SORCS2: variants seen among roughly 807,000 people sequenced by gnomAD.
SORCS2 encodes VPS10 domain-containing receptor SorCS2.
Under a neutral mutation model 141.6 loss-of-function variants are expected in SORCS2, and 100 were observed. That is an observed-to-expected ratio of 0.71 (90% CI 0.60 to 0.83). SORCS2 has a LOEUF of 0.83. Among genes scored for constraint, SORCS2 ranks in the 40% least tolerant of loss-of-function variants. The pLI, the probability that SORCS2 is intolerant of heterozygous loss-of-function variation, is 0.00. For missense variants in SORCS2, 1,646 were observed against 1,560.2 expected (o/e 1.05, Z -0.93); for synonymous variants, 789 against 676.9 (o/e 1.17, Z -2.57).
chr4:7,491,546 G>T (rs377103020), intron 2 of SORCS2, among the ~76,000 whole-genome samples: 56 of 152,356 alleles, frequency 3.7e-4, no homozygotes, highest in African/African-American at 1.3e-3. Flanking sequence ...CATGCAGAGG[G>T]AACACCTTGG....
intron 1 of SORCS2, among the ~76,000 whole-genome samples, chr4:7,337,649 C>G (rs981755405): frequency 2.0e-5 from 3 of 150,672 alleles, no homozygotes; most frequent in African/African-American, 2.4e-5. Context: ...GGTGGGAAGC[C>G]AGGGAGAGCT....
chr4:7,434,386 A>G (rs752263598), intron 2 of SORCS2: 1 of 1,607,460 alleles, frequency 6.2e-7, no homozygotes, highest in South Asian at 1.1e-5. Flanking sequence ...ATTGGCCATG[A>G]ACGGAGCCAC....
intron 4 of SORCS2, among the ~76,000 whole-genome samples, chr4:7,649,362 G>A (rs1463147556): frequency 6.7e-6 from 1 of 149,888 alleles, no homozygotes; most frequent in Non-Finnish European, 1.5e-5. Flanking sequence ...TATCGGGGGG[G>A]CTGTGTACCC....
chr4:7,338,170 T>A (rs1720115511), intron 1 of SORCS2, among the ~76,000 whole-genome samples: 1 of 122,510 alleles, frequency 8.2e-6, no homozygotes, highest in Non-Finnish European at 1.7e-5. Context: ...GTTGGATGGA[T>A]GGATGGATGG....
chr4:7,321,917 C>A (rs543261553), intron 1 of SORCS2, among the ~76,000 whole-genome samples: 2 of 152,272 alleles, frequency 1.3e-5, no homozygotes, highest in African/African-American at 4.8e-5. Flanking sequence ...CTGCAAGGGG[C>A]AGCCATGGGG....
chr4:7,350,434 C>G (rs749007534), intron 1 of SORCS2, among the ~76,000 whole-genome samples: 9 of 152,264 alleles, frequency 5.9e-5, no homozygotes, highest in Non-Finnish European at 1.2e-4. Context: ...TAGGGAGGGC[C>G]TCGGGTGCCC....
At chr4:7,367,682 C>G (rs985760594) in intron 1 of SORCS2, among the ~76,000 whole-genome samples, 4 of 152,212 alleles carry the variant, frequency 2.6e-5, no homozygotes, top group African/African-American at 7.2e-5. Context: ...CTCAGGAGCC[C>G]GTGTTGGCTC....
At chr4:7,241,986 T>C (rs929805423) in intron 1 of SORCS2, among the ~76,000 whole-genome samples, 4 of 152,282 alleles carry the variant, frequency 2.6e-5, no homozygotes, top group African/African-American at 9.6e-5. Context: ...GCAGCTTGAC[T>C]GTTGGGGGTA....
chr4:7,370,829 C>A (rs1398977429), intron 1 of SORCS2, among the ~76,000 whole-genome samples: 2 of 152,216 alleles, frequency 1.3e-5, no homozygotes, highest in African/African-American at 4.8e-5. Context: ...CCTGTGGCTT[C>A]CATGCTTACC....
chr4:7,260,445 G>A (rs1423615764), intron 1 of SORCS2, among the ~76,000 whole-genome samples: 1 of 152,208 alleles, frequency 6.6e-6, no homozygotes, highest in Non-Finnish European at 1.5e-5. Flanking sequence ...TGGATTGACT[G>A]ATGGGCTGGT....
chr4:7,501,324 T>C (rs1039989001), intron 2 of SORCS2, among the ~76,000 whole-genome samples: 3 of 148,196 alleles, frequency 2.0e-5, no homozygotes, highest in African/African-American at 7.9e-5. Context: ...AGCTTTTTAT[T>C]GTTCTTTCTT....
Position 7,633,663 on chromosome 4 carries a change from C to T in SORCS2, c.649-4665C>T, listed in dbSNP as rs1262389956. 2.0e-5 allele frequency among the ~76,000 whole-genome samples: 3 copies of T among 152,226 alleles called. No homozygotes were observed. In the South Asian group the frequency reaches 6.2e-4, roughly 31 times the overall value. Reference sequence around the variant, plus strand: ...ATGAGTTTTTTCTATGCGTTTTGCTCTCCAGGCTACTTAAATGTTCGTAAG... The same window carrying T: ...ATGAGTTTTTTCTATGCGTTTTGCTTTCCAGGCTACTTAAATGTTCGTAAG... On this transcript the variant is annotated intron_variant, in intron 3 of 26. Transcript: ENST00000507866.
chr4:7,614,669 C>G (rs1317431135), intron 3 of SORCS2, among the ~76,000 whole-genome samples: 1 of 151,570 alleles, frequency 6.6e-6, no homozygotes, highest in Non-Finnish European at 1.5e-5. Context: ...ATCCACCACC[C>G]ACCCATCAAT....
chr4:7,318,081 C>T (rs1278514885), intron 1 of SORCS2, among the ~76,000 whole-genome samples: 1 of 152,216 alleles, frequency 6.6e-6, no homozygotes, highest in African/African-American at 2.4e-5. Context: ...GATACAGCAG[C>T]AGACATAACT....
At chr4:7,691,495 C>T (rs932829266) in intron 11 of SORCS2, among the ~76,000 whole-genome samples, 1 of 152,086 alleles carries the variant, frequency 6.6e-6, no homozygotes, top group African/African-American at 2.4e-5. Context: ...GAGCTTTGCA[C>T]CTGGGAAGGG....
chr4:7,236,267 C>G (rs974088327), intron 1 of SORCS2, among the ~76,000 whole-genome samples: 5 of 152,180 alleles, frequency 3.3e-5, no homozygotes, highest in African/African-American at 1.2e-4. Flanking sequence ...CTGCAGGTGA[C>G]TTTTGAGAGA....
intron 3 of SORCS2, among the ~76,000 whole-genome samples, chr4:7,532,364 A>T (rs1711735883): frequency 6.6e-6 from 1 of 152,158 alleles, no homozygotes; most frequent in Non-Finnish European, 1.5e-5. Flanking sequence ...CTCAAATGGG[A>T]TGTCACCCAC....
chr4:7,708,803 G>T (rs573605140), intron 14 of SORCS2, among the ~76,000 whole-genome samples: 1 of 152,204 alleles, frequency 6.6e-6, no homozygotes, highest in Non-Finnish European at 1.5e-5. Context: ...ACGTCTCAAA[G>T]AATTCATCCC....
chr4:7,728,917 C>T (rs1727412706), intron 22 of SORCS2, among the ~76,000 whole-genome samples: 1 of 152,186 alleles, frequency 6.6e-6, no homozygotes, highest in African/African-American at 2.4e-5. Context: ...CACCCAAGGC[C>T]CTTGGCCCCC....
Sources: allele counts gnomAD v4.1 joint callset (sites outside exome capture counted in the v4.1 genomes callset), GRCh38; gene constraint gnomAD v4.1.1; transcripts MANE v1.5; gene names NCBI Gene and HGNC (gene_info 2026-07-23, HGNC 2026-07-21).